The following ZNF385D variants were observed in gnomAD, a reference collection of about 807,000 sequenced individuals.
ZNF385D encodes the protein zinc finger protein 385D.
ZNF385D carries 15 observed loss-of-function variants against 35.8 expected under a neutral mutation model. That is an observed-to-expected ratio of 0.42 (90% CI 0.28 to 0.64). The LOEUF (loss-of-function observed/expected upper bound fraction) is 0.64, where lower values mean the gene tolerates loss of function less well. Among genes scored for constraint, ZNF385D ranks in the 30% least tolerant of loss-of-function variants. The pLI is 0.23. For missense variants in ZNF385D, 474 were observed against 494.6 expected, an observed-to-expected ratio of 0.96 and a Z score of 0.39; for synonymous variants, 212 against 186.8, an observed-to-expected ratio of 1.13 and a Z score of -1.10.
chr3:22,066,754 G>A (rs1699984172), intron 3 of ZNF385D, among the ~76,000 whole-genome samples: 1 of 152,104 alleles, frequency 6.6e-6, no homozygotes. Context: ...CACATTTACT[G>A]GATGTTTCCT....
chr3:22,085,401 C>G (rs1418930315), intron 3 of ZNF385D, among the ~76,000 whole-genome samples: 1 of 152,136 alleles, frequency 6.6e-6, no homozygotes, highest in African/African-American at 2.4e-5. Context: ...GATATCACCA[C>G]CGATCCCACG....
chr3:21,992,278 C>G (rs1168017369), intron 3 of ZNF385D, among the ~76,000 whole-genome samples: 1 of 151,992 alleles, frequency 6.6e-6, no homozygotes, highest in Non-Finnish European at 1.5e-5. Flanking sequence ...CTAGTAGCTG[C>G]AGGTATCTGA....
At chr3:22,115,686 T>C (rs572238252) in intron 3 of ZNF385D, among the ~76,000 whole-genome samples, 23 of 152,218 alleles carry the variant, frequency 1.5e-4, no homozygotes, top group Non-Finnish European at 2.9e-4. Context: ...AGTAGCTTGG[T>C]TAGCTTTTCT....
intron 3 of ZNF385D, among the ~76,000 whole-genome samples, chr3:21,542,181 A>G (rs2062195566): frequency 6.6e-6 from 1 of 152,302 alleles, no homozygotes; most frequent in East Asian, 1.9e-4. Flanking sequence ...AAATATGTGA[A>G]TTTTCATGTT....
intron 2 of ZNF385D, among the ~76,000 whole-genome samples, chr3:22,274,410 C>T (rs1388073007): frequency 1.3e-5 from 2 of 151,756 alleles, no homozygotes; most frequent in Non-Finnish European, 2.9e-5. Context: ...AACAACAGGC[C>T]TGGAAATAAT....
chr3:22,153,409 G>A (rs1360987235), intron 3 of ZNF385D, among the ~76,000 whole-genome samples: 1 of 151,276 alleles, frequency 6.6e-6, no homozygotes, highest in African/African-American at 2.4e-5. Context: ...ACAAGTTCCT[G>A]CATTCACAAT....
At chr3:22,163,278 G>A (rs553483036) in intron 3 of ZNF385D, among the ~76,000 whole-genome samples, 2 of 152,150 alleles carry the variant, frequency 1.3e-5, no homozygotes, top group African/African-American at 4.8e-5. Context: ...AATTCTAGCA[G>A]AGCATGAATT....
chr3:21,678,909 GAAGAT>G (rs1178923249), intron 1 of ZNF385D, among the ~76,000 whole-genome samples: 1 of 151,964 alleles, frequency 6.6e-6, no homozygotes, highest in African/African-American at 2.4e-5. Context: ...CCTTATAAGC[GAAGAT>G]AAGAAAACTA....
intron 1 of ZNF385D, among the ~76,000 whole-genome samples, chr3:21,735,028 A>G (rs73046291): frequency 0.038 from 5,786 of 152,212 alleles, 166 homozygotes; most frequent in East Asian, 0.098. Context: ...ACAGCTATGT[A>G]GGATCAGAAA....
chr3:22,289,185 T>C (rs2125394268), intron 2 of ZNF385D, among the ~76,000 whole-genome samples: 1 of 152,272 alleles, frequency 6.6e-6, no homozygotes, highest in East Asian at 1.9e-4. Context: ...CCTTTGATTC[T>C]GGCAGAATAT....
At chr3:21,960,927 G>A (rs778519231) in intron 3 of ZNF385D, among the ~76,000 whole-genome samples, 1 of 152,078 alleles carries the variant, frequency 6.6e-6, no homozygotes, top group African/African-American at 2.4e-5. Flanking sequence ...ATATGGAGAA[G>A]AGGAGAATAG....
chr3:22,068,365 T>C (rs1422481356), intron 3 of ZNF385D, among the ~76,000 whole-genome samples: 1 of 152,174 alleles, frequency 6.6e-6, no homozygotes, highest in Non-Finnish European at 1.5e-5. Context: ...TGTCCCTTCA[T>C]GAGCATTAAA....
chr3:22,288,430 T>C (rs1200147520), intron 2 of ZNF385D, among the ~76,000 whole-genome samples: 1 of 145,766 alleles, frequency 6.9e-6, no homozygotes, highest in African/African-American at 2.8e-5. Flanking sequence ...ATCTTCCATC[T>C]TTCATTTATT....
intron 1 of ZNF385D, among the ~76,000 whole-genome samples, chr3:21,728,588 A>G (rs1297109222): frequency 1.3e-5 from 2 of 152,236 alleles, no homozygotes; most frequent in African/African-American, 2.4e-5. Flanking sequence ...AACCTACAGT[A>G]TACATCAGTT....
At chr3:22,250,286 TTTTTA>T (rs1303771895) in intron 2 of ZNF385D, among the ~76,000 whole-genome samples, 1 of 152,114 alleles carries the variant, frequency 6.6e-6, no homozygotes. Context: ...TGCAAAAGTC[TTTTTA>T]TTTATTTTTC....
intron 3 of ZNF385D, among the ~76,000 whole-genome samples, chr3:21,891,680 G>A (rs1201657491): frequency 2.0e-5 from 3 of 152,160 alleles, no homozygotes; most frequent in Non-Finnish European, 4.4e-5. Flanking sequence ...TCTAACACAA[G>A]TGGTTACATT....
intron 2 of ZNF385D, among the ~76,000 whole-genome samples, chr3:22,360,170 T>C (rs1696350341): frequency 6.6e-6 from 1 of 152,014 alleles, no homozygotes; most frequent in South Asian, 2.1e-4. Flanking sequence ...CTGAAAAATT[T>C]TAGGAACTAA....
intron 3 of ZNF385D, among the ~76,000 whole-genome samples, chr3:22,085,483 G>A (rs1700981949): frequency 6.6e-6 from 1 of 152,082 alleles, no homozygotes; most frequent in Admixed American, 6.5e-5. Flanking sequence ...TAGAAGAAAT[G>A]GATAAATTCC....
chr3:21,498,289 C>A (rs1295109067), intron 4 of ZNF385D, among the ~76,000 whole-genome samples: 1 of 152,036 alleles, frequency 6.6e-6, no homozygotes, highest in Non-Finnish European at 1.5e-5. Flanking sequence ...CTAGGAAATA[C>A]CATTCTGGAC....
Sources: gnomAD v4.1 joint callset for allele counts (sites outside exome capture counted in the v4.1 genomes callset) on GRCh38, gnomAD v4.1.1 for gene constraint, MANE v1.5 for transcripts, NCBI Gene and HGNC (gene_info 2026-07-23, HGNC 2026-07-21) for gene names.